The following ZNF385D variants were observed in gnomAD, a reference collection of about 807,000 sequenced individuals.
ZNF385D encodes the protein zinc finger protein 659.
ZNF385D carries 15 observed loss-of-function variants against 35.8 expected under a neutral mutation model. That is an observed-to-expected ratio of 0.42 (90% CI 0.28 to 0.64). ZNF385D has a LOEUF of 0.64. ZNF385D is among the 30% of genes least tolerant of loss of function. The probability of loss-of-function intolerance (pLI) is 0.23; values close to 1 mark genes in which losing one functional copy is unlikely to be tolerated. For synonymous variants in ZNF385D, 212 were observed against 186.8 expected (o/e 1.13, Z -1.10); for missense variants, 474 against 494.6 (o/e 0.96, Z 0.39).
At chr3:21,693,918 A>G (rs2067372095) in intron 1 of ZNF385D, among the ~76,000 whole-genome samples, 1 of 136,554 alleles carries the variant, frequency 7.3e-6, no homozygotes, top group South Asian at 2.3e-4. Flanking sequence ...TCTCACTGTC[A>G]CCCAGGCTGG....
chr3:21,500,145 A>G (rs527688479), intron 4 of ZNF385D, among the ~76,000 whole-genome samples: 2 of 152,222 alleles, frequency 1.3e-5, no homozygotes, highest in Non-Finnish European at 2.9e-5. Context: ...TCTGAGCTAC[A>G]CTGGTTAATA....
intron 3 of ZNF385D, among the ~76,000 whole-genome samples, chr3:22,082,630 G>A (rs1407433879): frequency 6.6e-6 from 1 of 152,204 alleles, no homozygotes; most frequent in Non-Finnish European, 1.5e-5. Flanking sequence ...GCAGGGCATA[G>A]CTGAACAAAA....
intron 2 of ZNF385D, among the ~76,000 whole-genome samples, chr3:22,287,430 A>G (rs965035010): frequency 1.3e-5 from 2 of 151,930 alleles, no homozygotes; most frequent in African/African-American, 4.8e-5. Flanking sequence ...TGTTTGACAT[A>G]TCTTTGGTTC....
At chr3:22,248,237 A>C (rs1439124861) in intron 2 of ZNF385D, among the ~76,000 whole-genome samples, 3 of 152,174 alleles carry the variant, frequency 2.0e-5, no homozygotes, top group Non-Finnish European at 4.4e-5. Flanking sequence ...AATCACCTGC[A>C]AGGCAGGTAG....
chr3:22,046,912 T>C (rs1576223111), intron 3 of ZNF385D, among the ~76,000 whole-genome samples: 1 of 152,144 alleles, frequency 6.6e-6, no homozygotes, highest in African/African-American at 2.4e-5. Context: ...CTTTATACTA[T>C]ACTATATAAG....
chr3:21,701,836 T>C (rs904115934), intron 1 of ZNF385D, among the ~76,000 whole-genome samples: 1 of 152,084 alleles, frequency 6.6e-6, no homozygotes, highest in Admixed American at 6.6e-5. Flanking sequence ...TCCAAAATAA[T>C]CTCCTTTGAC....
At chr3:22,267,710 C>G (rs1700966919) in intron 2 of ZNF385D, among the ~76,000 whole-genome samples, 1 of 151,800 alleles carries the variant, frequency 6.6e-6, no homozygotes. Flanking sequence ...TAAATGCACT[C>G]CCATGTTAGA....
chr3:21,436,763 C>T (rs553392116), intron 5 of ZNF385D: 1 of 571,768 alleles, frequency 1.7e-6, no homozygotes, highest in East Asian at 2.8e-5. Context: ...ACACACACAC[C>T]ATGGACTTCG....
chr3:22,368,071 C>T (rs1214779689), intron 2 of ZNF385D, among the ~76,000 whole-genome samples: 1 of 152,184 alleles, frequency 6.6e-6, no homozygotes, highest in Non-Finnish European at 1.5e-5. Flanking sequence ...TTTTGAAATG[C>T]TACATGCTGG....
intron 2 of ZNF385D, among the ~76,000 whole-genome samples, chr3:21,594,547 T>C (rs1416529929): frequency 6.6e-6 from 1 of 152,054 alleles, no homozygotes; most frequent in Non-Finnish European, 1.5e-5. Context: ...CCCGGAAAGG[T>C]GCACAGATAT....
At chr3:21,998,196 C>T (rs536631363) in intron 3 of ZNF385D, among the ~76,000 whole-genome samples, 41 of 152,200 alleles carry the variant, frequency 2.7e-4, no homozygotes, top group Non-Finnish European at 4.9e-4. Context: ...CCTTATTTAG[C>T]ATATAATTAT....
chr3:22,155,963 T>G (rs1705556182), intron 3 of ZNF385D, among the ~76,000 whole-genome samples: 1 of 152,072 alleles, frequency 6.6e-6, no homozygotes, highest in Admixed American at 6.6e-5. Flanking sequence ...TCAAGGACTT[T>G]GAATTTTAGA....
At chr3:21,775,342 A>G (rs909997088) in intron 3 of ZNF385D, among the ~76,000 whole-genome samples, 8 of 151,866 alleles carry the variant, frequency 5.3e-5, no homozygotes, top group African/African-American at 9.7e-5. Flanking sequence ...ATCACCTGCT[A>G]CTTACCAAGG....
At chr3:21,556,283 A>G (rs939716045) in intron 3 of ZNF385D, among the ~76,000 whole-genome samples, 2 of 151,944 alleles carry the variant, frequency 1.3e-5, no homozygotes, top group African/African-American at 4.8e-5. Flanking sequence ...TGTTTTAGTC[A>G]TGAAGTCCTT....
intron 3 of ZNF385D, among the ~76,000 whole-genome samples, chr3:22,005,593 G>A (rs1371753205): frequency 6.6e-6 from 1 of 151,958 alleles, no homozygotes; most frequent in Admixed American, 6.6e-5. Context: ...AATAGCACAT[G>A]TATCCCATAA....
intron 3 of ZNF385D, among the ~76,000 whole-genome samples, chr3:22,023,340 C>T (rs141670027): frequency 6.6e-6 from 1 of 152,228 alleles, no homozygotes; most frequent in African/African-American, 2.4e-5. Flanking sequence ...GCTTTAAACT[C>T]AAAGATCAGG....
intron 3 of ZNF385D, among the ~76,000 whole-genome samples, chr3:21,915,493 A>AT (rs892208818): frequency 5.9e-5 from 9 of 152,054 alleles, no homozygotes; most frequent in Admixed American, 1.3e-4. Context: ...GTTTTAACTT[A>AT]TTTTTTCTGT....
chr3:21,931,058 T>G (rs1250011793), intron 3 of ZNF385D, among the ~76,000 whole-genome samples: 1 of 152,048 alleles, frequency 6.6e-6, no homozygotes, highest in East Asian at 1.9e-4. Flanking sequence ...ACAATTATAT[T>G]TGATGAAGGA....
intron 3 of ZNF385D, among the ~76,000 whole-genome samples, chr3:21,773,529 A>C (rs984066429): frequency 6.6e-6 from 1 of 151,968 alleles, no homozygotes; most frequent in South Asian, 2.1e-4. Context: ...ATCTGACAAA[A>C]GTCTAATATC....
Sources: allele counts gnomAD v4.1 joint callset (sites outside exome capture counted in the v4.1 genomes callset), GRCh38; gene constraint gnomAD v4.1.1; transcripts MANE v1.5; gene names NCBI Gene and HGNC (gene_info 2026-07-23, HGNC 2026-07-21).